MRPS25: variants seen among roughly 807,000 people sequenced by gnomAD.
MRPS25 encodes the protein mitochondrial ribosomal protein S25, also known as small ribosomal subunit protein mS25.
Under a neutral mutation model 17.3 loss-of-function variants are expected in MRPS25, and 15 were observed. The ratio of observed to expected loss-of-function variants is 0.87; its 90% CI spans 0.58 to 1.34. MRPS25 has a LOEUF of 1.34. MRPS25 is among the 40% of genes most tolerant of loss of function. The pLI, the probability that MRPS25 is intolerant of heterozygous loss-of-function variation, is 0.00. For synonymous variants in MRPS25, 94 were observed against 83.3 expected (o/e 1.13, Z -0.70); for missense variants, 225 against 218.6 (o/e 1.03, Z -0.19).
At chr3:15,057,198 C>G (rs1201858834) in intron 2 of MRPS25, among the ~76,000 whole-genome samples, 3 of 152,354 alleles carry the variant, frequency 2.0e-5, no homozygotes, top group East Asian at 3.9e-4. Flanking sequence ...GGCCTAGGGT[C>G]TGGCCTTCAC....
At chr3:15,052,772 A>G in intron 3 of MRPS25, 139 bp from the exon 4 acceptor site, 1 of 906,302 alleles carries the variant, frequency 1.1e-6, no homozygotes, top group Non-Finnish European at 1.7e-6. Context: ...TCACTGTCAA[A>G]GCCTATCGCT....
chr3:15,058,005 C>G (rs752726550), intron 2 of MRPS25, among the ~76,000 whole-genome samples: 1 of 151,918 alleles, frequency 6.6e-6, no homozygotes, highest in African/African-American at 2.4e-5. Context: ...CCTCAGCCCC[C>G]CAAGTAGCTG....
downstream of MRPS25, chr3:15,043,107 A>AT: frequency 2.6e-6 from 3 of 1,147,364 alleles, no homozygotes. Context: ...ATATTTCCAT[A>AT]TGTTAGCCAT....
downstream of MRPS25, chr3:15,046,163 T>C (rs1302149577): frequency 6.6e-6 from 1 of 152,274 alleles, no homozygotes; most frequent in East Asian, 1.9e-4. Context: ...ATTTATTGTC[T>C]AACCCTTGCC....
intron 2 of MRPS25, 117 bp from the exon 3 acceptor site, chr3:15,053,584 T>C: frequency 9.1e-7 from 1 of 1,100,590 alleles, no homozygotes; most frequent in Non-Finnish European, 1.4e-6. Flanking sequence ...ATAAAATAGA[T>C]ATACTTGTTT....
chr3:15,043,738 T>C (rs1019555285), downstream of MRPS25: 4 of 152,218 alleles, frequency 2.6e-5, no homozygotes, highest in African/African-American at 9.7e-5. Context: ...ACTTGTCAGG[T>C]TCCCTGACTA....
chr3:15,055,852 A>C (rs572497783), intron 2 of MRPS25, among the ~76,000 whole-genome samples: 1 of 152,200 alleles, frequency 6.6e-6, no homozygotes, highest in African/African-American at 2.4e-5. Flanking sequence ...TATCTCCAAC[A>C]AAGGAAATGC....
intron 2 of MRPS25, 172 bp from the exon 3 acceptor site, chr3:15,053,639 A>C: frequency 1.3e-6 from 1 of 757,680 alleles, no homozygotes; most frequent in Non-Finnish European, 2.3e-6. Context: ...TTTTCTTTAG[A>C]CCTGAGCAAG....
intron 2 of MRPS25, 24 bp downstream of exon 2, chr3:15,059,345 G>A (rs746140858): frequency 4.0e-6 from 6 of 1,511,512 alleles, no homozygotes; most frequent in Non-Finnish European, 5.5e-6. Context: ...ACAGCCCCTG[G>A]ACCATGGCGA....
intron 2 of MRPS25, among the ~76,000 whole-genome samples, chr3:15,057,905 GAC>G (rs2042694156): frequency 1.3e-5 from 2 of 152,182 alleles, no homozygotes; most frequent in Middle Eastern, 6.8e-3. Flanking sequence ...TTTTTTATTA[GAC>G]AGTGTCTCAC....
rs187045283 is a variant in MRPS25 at position 15,050,934 on chromosome 3, T to C, written c.*1507A>G. ...ATCATTTCACCAGCCAGCTACTTCATGTGGCAGAAAAGGTAACCTTTTCCC... is the reference window on the plus strand; with the variant it reads ...ATCATTTCACCAGCCAGCTACTTCACGTGGCAGAAAAGGTAACCTTTTCCC... On this transcript the variant is annotated 3_prime_UTR_variant, in exon 4 of 4. Transcript: ENST00000253686. The C allele has an allele frequency of 5.1e-6, 5 of 985,444 alleles. No homozygotes were observed. Among genetic ancestry groups the C allele is most frequent in the Non-Finnish European group, 6.0e-6 (5 of 829,940 alleles). The allele number at this position is 985,444 out of a possible 1,614,324, so 61.0% of individuals were successfully genotyped here.
chr3:15,061,657 G>T (rs1347973324), intron 1 of MRPS25, among the ~76,000 whole-genome samples: 3 of 152,094 alleles, frequency 2.0e-5, no homozygotes, highest in Admixed American at 6.5e-5. Flanking sequence ...GAAGTGAGGA[G>T]CGTCTCTGCC....
Position 15,059,360 on chromosome 3 carries a change from C to G in MRPS25, c.241+9G>C, listed in dbSNP as rs999336736. The G allele has an allele frequency of 6.3e-7, 1 of 1,588,080 alleles. No homozygotes were observed. On this transcript the variant is annotated intron_variant, in intron 2 of 3. Transcript: ENST00000253686. The stretch of plus-strand genomic sequence containing the variant: ...ACAGCCCCTGGACCATGGCGAGGGC[C>G]CCACTCACCTAAGTAGAATCGCAGG...
chr3:15,050,468 C>CGGCG lies in MRPS25; in HGVS notation c.*1972_*1973insCGCC. On this transcript the variant is annotated 3_prime_UTR_variant, in exon 4 of 4. Transcript: ENST00000253686. Reference sequence around the variant, plus strand: ...AATACTCTCATAAGGCTTTGTGTGTCACTAGCTATGGAGACCTACACTGCA... The same window carrying CGGCG: ...AATACTCTCATAAGGCTTTGTGTGTCGGCGACTAGCTATGGAGACCTACACTGCA... 3.0e-6 allele frequency: 3 copies of CGGCG among 986,998 alleles called. No homozygotes were observed. The highest frequency in any genetic ancestry group is 4.7e-5 in the South Asian group (1 of 21,446). The allele number at this position is 986,998 out of a possible 1,614,324, so 61.1% of individuals were successfully genotyped here.
chr3:15,050,081 T>G lies in MRPS25; in HGVS notation c.*2360A>C, dbSNP rs771018776. On this transcript the variant is annotated 3_prime_UTR_variant, in exon 4 of 4. Transcript: ENST00000253686. Reference sequence around the variant, plus strand: ...ATTTCTGTATATTTTAAACCCATCTTTCATCACTACTAAACAAAATAGGGA... The same window carrying G: ...ATTTCTGTATATTTTAAACCCATCTGTCATCACTACTAAACAAAATAGGGA... 9.8e-6 allele frequency: 14 copies of G among 1,424,986 alleles called. No individual in the cohort carries two copies. The highest frequency in any genetic ancestry group is 1.2e-5 in the Non-Finnish European group (13 of 1,104,438). The allele number at this position is 1,424,986 out of a possible 1,614,324, so 88.3% of individuals were successfully genotyped here.
At chr3:15,058,537 T>C (rs2042702379) in intron 2 of MRPS25, among the ~76,000 whole-genome samples, 1 of 152,196 alleles carries the variant, frequency 6.6e-6, no homozygotes, top group Non-Finnish European at 1.5e-5. Flanking sequence ...CTCTGCTGGA[T>C]ATAATCTCCA....
At chr3:15,062,561 G>C (rs1290520251) in intron 1 of MRPS25, among the ~76,000 whole-genome samples, 1 of 152,040 alleles carries the variant, frequency 6.6e-6, no homozygotes, top group Non-Finnish European at 1.5e-5. Flanking sequence ...ACCCCATCTG[G>C]GAGGTGTGCC....
Position 15,065,253 on chromosome 3 carries a change from G to C in MRPS25, c.-59C>G. ...CGCGAGCCGAGCAGCGACGAGAAAGGACTAGCTAGCACCCGCGCGGATCTC... is the reference window on the plus strand; with the variant it reads ...CGCGAGCCGAGCAGCGACGAGAAAGCACTAGCTAGCACCCGCGCGGATCTC... On this transcript the variant is annotated 5_prime_UTR_variant, in exon 1 of 4. Transcript: ENST00000253686. 1.3e-6 allele frequency: 2 copies of C among 1,516,822 alleles called. No homozygotes were observed. Among genetic ancestry groups the C allele is most frequent in the East Asian group, 2.5e-5 (1 of 40,358 alleles). The allele number at this position is 1,516,822 out of a possible 1,614,324, so 94.0% of individuals were successfully genotyped here. A position where few individuals can be genotyped will look rare whatever the true frequency, so the allele number is the denominator to read the frequency against.
Position 15,052,294 on chromosome 3 carries a change from T to A in MRPS25, c.*147A>T. ...CAGACCCTCCTCTCCCACATCCTTTTACACAGGTGTGTAAAGTCCTTTTAA... is the reference window on the plus strand; with the variant it reads ...CAGACCCTCCTCTCCCACATCCTTTAACACAGGTGTGTAAAGTCCTTTTAA... On this transcript the variant is annotated 3_prime_UTR_variant, in exon 4 of 4. Coordinates refer to ENST00000253686, the MANE Select transcript of MRPS25 (RefSeq NM_022497.5). 1 of 1,428,862 alleles carries A rather than the reference T, an allele frequency of 7.0e-7. No homozygotes were observed. The highest frequency in any genetic ancestry group is 2.5e-5 in the East Asian group (1 of 40,446). The allele number at this position is 1,428,862 out of a possible 1,614,324, so 88.5% of individuals were successfully genotyped here. A position where few individuals can be genotyped will look rare whatever the true frequency, so the allele number is the denominator to read the frequency against.
Sources: gnomAD v4.1 joint callset for allele counts (sites outside exome capture counted in the v4.1 genomes callset) on GRCh38, gnomAD v4.1.1 for gene constraint, MANE v1.5 for transcripts, NCBI Gene and HGNC (gene_info 2026-07-23, HGNC 2026-07-21) for gene names.